The following NCAM2 variants were observed in gnomAD, a reference collection of about 807,000 sequenced individuals.
The protein encoded by NCAM2 is N-CAM-2.
NCAM2 carries 30 observed loss-of-function variants against 98.1 expected under a neutral mutation model. The ratio of observed to expected loss-of-function variants is 0.31; its 90% CI spans 0.23 to 0.41. The LOEUF (loss-of-function observed/expected upper bound fraction) is 0.41. Among genes scored for constraint, NCAM2 ranks in the 10% least tolerant of loss-of-function variants. The pLI, the probability that NCAM2 is intolerant of heterozygous loss-of-function variation, is 1.00. For synonymous variants in NCAM2, 368 were observed against 342.4 expected (o/e 1.07, Z -0.83); for missense variants, 867 against 1,005.8 (o/e 0.86, Z 1.87).
chr21:21,331,248 T>C (rs2074669810), intron 6 of NCAM2, among the ~76,000 whole-genome samples: 1 of 151,704 alleles, frequency 6.6e-6, no homozygotes, highest in Admixed American at 6.6e-5. Flanking sequence ...GTGATCTTCC[T>C]GATTCAGCAT....
chr21:21,242,603 T>A (rs780942151), intron 1 of NCAM2, among the ~76,000 whole-genome samples: 1 of 152,194 alleles, frequency 6.6e-6, no homozygotes, highest in Non-Finnish European at 1.5e-5. Flanking sequence ...AGTCTTTCTG[T>A]GCCTGGCTTA....
chr21:21,440,693 AAAAAG>A (rs138443651), intron 12 of NCAM2, among the ~76,000 whole-genome samples: 27 of 150,430 alleles, frequency 1.8e-4, no homozygotes, highest in East Asian at 1.2e-3. Context: ...CAACAACAAA[AAAAAG>A]AAAAGAAAAG....
At chr21:21,022,362 G>A (rs1046974904) in intron 1 of NCAM2, among the ~76,000 whole-genome samples, 2 of 151,908 alleles carry the variant, frequency 1.3e-5, no homozygotes, top group Admixed American at 1.3e-4. Flanking sequence ...AGCAAATAAA[G>A]GTAATAGTCA....
intron 1 of NCAM2, among the ~76,000 whole-genome samples, chr21:21,097,174 T>G (rs1461039052): frequency 2.0e-5 from 3 of 151,768 alleles, no homozygotes; most frequent in Non-Finnish European, 4.4e-5. Flanking sequence ...GCACGTGAAT[T>G]GAATACATGC....
At chr21:21,209,596 G>C (rs140710144) in intron 1 of NCAM2, among the ~76,000 whole-genome samples, 19 of 152,222 alleles carry the variant, frequency 1.2e-4, no homozygotes, top group Admixed American at 2.6e-4. Context: ...CTTGCAGCTA[G>C]TCATGGAAGT....
intron 1 of NCAM2, among the ~76,000 whole-genome samples, chr21:21,103,233 A>G (rs2066280698): frequency 0.022 from 2 of 90 alleles, no homozygotes; most frequent in Admixed American, 0.2. Flanking sequence ...AAATACTTTA[A>G]TAGTATTTAG....
At chr21:21,445,694 C>T (rs921968781) in intron 12 of NCAM2, among the ~76,000 whole-genome samples, 3 of 151,958 alleles carry the variant, frequency 2.0e-5, no homozygotes, top group African/African-American at 7.3e-5. Context: ...TTCCTCCATC[C>T]CTTTATTTTG....
intron 8 of NCAM2, among the ~76,000 whole-genome samples, chr21:21,370,259 T>G (rs866436695): frequency 5.3e-5 from 8 of 151,860 alleles, no homozygotes; most frequent in African/African-American, 1.7e-4. Flanking sequence ...CCTCTGATCC[T>G]TATGACCTGA....
chr21:21,304,164 C>T (rs373746748), intron 5 of NCAM2, among the ~76,000 whole-genome samples: 37 of 152,040 alleles, frequency 2.4e-4, no homozygotes, highest in African/African-American at 7.5e-4. Flanking sequence ...TTCAAATCTA[C>T]GAATGTATTG....
chr21:21,289,911 A>C (rs2073233260), intron 4 of NCAM2, among the ~76,000 whole-genome samples: 1 of 151,990 alleles, frequency 6.6e-6, no homozygotes, highest in African/African-American at 2.4e-5. Flanking sequence ...AGAATAGTTC[A>C]GGTCCTAATG....
intron 1 of NCAM2, among the ~76,000 whole-genome samples, chr21:21,236,572 T>G (rs950243970): frequency 2.0e-5 from 3 of 152,134 alleles, no homozygotes; most frequent in Non-Finnish European, 4.4e-5. Context: ...AAAATAATTA[T>G]CCTCTGATAA....
At chr21:21,268,351 C>A (rs1331300448) in intron 1 of NCAM2, among the ~76,000 whole-genome samples, 1 of 152,170 alleles carries the variant, frequency 6.6e-6, no homozygotes, top group South Asian at 2.1e-4. Context: ...CCTTCCCACA[C>A]CACACAGGAG....
At chr21:21,144,329 A>G (rs2067228969) in intron 1 of NCAM2, among the ~76,000 whole-genome samples, 1 of 148,208 alleles carries the variant, frequency 6.7e-6, no homozygotes, top group Non-Finnish European at 1.5e-5. Context: ...AGGGAGACAG[A>G]GCAAGACTCC....
chr21:21,371,470 C>T (rs1477527751), intron 8 of NCAM2, among the ~76,000 whole-genome samples: 1 of 151,732 alleles, frequency 6.6e-6, no homozygotes, highest in Non-Finnish European at 1.5e-5. Flanking sequence ...ATTGATCTTG[C>T]ATTCTGCCTA....
chr21:21,534,795 T>G (rs1989894617), intron 17 of NCAM2, 139 bp downstream of exon 17: 2 of 876,420 alleles, frequency 2.3e-6, no homozygotes, highest in Admixed American at 4.1e-5. Flanking sequence ...AAAGTACATG[T>G]GAATATCTAA....
intron 9 of NCAM2, among the ~76,000 whole-genome samples, chr21:21,396,611 G>A (rs991870397): frequency 5.9e-5 from 9 of 152,184 alleles, no homozygotes; most frequent in Admixed American, 2.0e-4. Context: ...ATCAGTGGGC[G>A]AGTGCAGGGT....
At chr21:21,136,640 T>TTTTTG (rs10631346) in intron 1 of NCAM2, among the ~76,000 whole-genome samples, 18 of 147,958 alleles carry the variant, frequency 1.2e-4, no homozygotes, top group Admixed American at 4.0e-4. Flanking sequence ...GTTTTTTTTT[T>TTTTTG]TATTTTTAGT....
At chr21:21,404,709 T>A (rs2076701654) in intron 9 of NCAM2, among the ~76,000 whole-genome samples, 1 of 151,862 alleles carries the variant, frequency 6.6e-6, no homozygotes, top group African/African-American at 2.4e-5. Flanking sequence ...ATACACAATA[T>A]ATGCCATTAA....
At position 21,303,121 on chromosome 21, in the gene NCAM2, C is replaced by A. The variant is rs370255981; in HGVS notation, c.619+10880C>A. Among the ~76,000 whole-genome samples the A allele has an allele frequency of 2.3e-4, 35 of 151,570 alleles. No individual in the cohort carries two copies. In the South Asian group the frequency reaches 6.5e-3, roughly 28 times the overall value. The stretch of plus-strand genomic sequence containing the variant: ...TAGAGCAGGGAGGGAGAAAGGGAGG[C>A]GTGGGCTGAAGAACGACCTTTTGGG... On this transcript the variant is annotated intron_variant, in intron 5 of 17. Transcript: ENST00000400546.
Sources: allele counts gnomAD v4.1 joint callset (sites outside exome capture counted in the v4.1 genomes callset), GRCh38; gene constraint gnomAD v4.1.1; transcripts MANE v1.5; gene names NCBI Gene and HGNC (gene_info 2026-07-23, HGNC 2026-07-21).